RFC1: variants seen among roughly 807,000 people sequenced by gnomAD.
RFC1 encodes replication factor C subunit 1, also known as A1 140 kDa subunit.
RFC1 carries 37 observed loss-of-function variants against 137.4 expected under a neutral mutation model. The ratio of observed to expected loss-of-function variants is 0.27; its 90% CI spans 0.21 to 0.35. RFC1 has a LOEUF of 0.35. Ranked by LOEUF, RFC1 falls within the 10% of genes least tolerant of loss-of-function variation. The pLI is 1.00. For synonymous variants in RFC1, 429 were observed against 455.7 expected, an observed-to-expected ratio of 0.94 and a Z score of 0.75; for missense variants, 1,205 against 1,358.5, an observed-to-expected ratio of 0.89 and a Z score of 1.78.
At chr4:39,355,721 T>C (rs1488848379) in intron 1 of RFC1, among the ~76,000 whole-genome samples, 1 of 152,192 alleles carries the variant, frequency 6.6e-6, no homozygotes, top group Non-Finnish European at 1.5e-5. Flanking sequence ...GGTATAACCT[T>C]GGCTGGGCGC....
At chr4:39,359,612 G>A (rs187204485) in intron 1 of RFC1, among the ~76,000 whole-genome samples, 14 of 152,136 alleles carry the variant, frequency 9.2e-5, no homozygotes, top group African/African-American at 2.9e-4. Flanking sequence ...CATGAGGTCA[G>A]GAGATCGAGA....
intron 23 of RFC1, 150 bp downstream of exon 23, chr4:39,291,489 G>C: frequency 3.2e-6 from 2 of 631,584 alleles, no homozygotes; most frequent in African/African-American, 1.8e-5. Context: ...CATTCAAATA[G>C]TATCTTTGGA....
At chr4:39,330,497 A>G (rs1275895866) in intron 4 of RFC1, among the ~76,000 whole-genome samples, 1 of 152,044 alleles carries the variant, frequency 6.6e-6, no homozygotes. Flanking sequence ...GGGCCTCCAA[A>G]AACCACAGAT....
intron 1 of RFC1, among the ~76,000 whole-genome samples, chr4:39,364,560 CAA>C (rs1471411710): frequency 6.6e-6 from 1 of 152,152 alleles, no homozygotes; most frequent in Non-Finnish European, 1.5e-5. Context: ...CCTGAATGAT[CAA>C]AAGTTGACCA....
intron 10 of RFC1, among the ~76,000 whole-genome samples, chr4:39,313,500 T>A (rs1386020947): frequency 1.3e-5 from 2 of 152,150 alleles, no homozygotes; most frequent in East Asian, 3.8e-4. Flanking sequence ...AATTCCCCAA[T>A]CCCTGCCCGC....
At chr4:39,293,469 G>C (rs996826934) in intron 22 of RFC1, among the ~76,000 whole-genome samples, 3 of 152,120 alleles carry the variant, frequency 2.0e-5, no homozygotes, top group East Asian at 3.8e-4. Flanking sequence ...AAGCATCTAT[G>C]ACTCCCAAAA....
chr4:39,349,516 C>T (rs1226119573), intron 2 of RFC1, among the ~76,000 whole-genome samples: 1 of 152,120 alleles, frequency 6.6e-6, no homozygotes, highest in Non-Finnish European at 1.5e-5. Context: ...GTGAGGACAA[C>T]ACGAGAAGGC....
intron 2 of RFC1, among the ~76,000 whole-genome samples, chr4:39,349,945 G>A (rs980922559): frequency 3.3e-5 from 5 of 152,020 alleles, no homozygotes; most frequent in East Asian, 1.9e-4. Flanking sequence ...CAGAGGTTGC[G>A]GTGAGCCGAG....
chr4:39,336,996 T>A (rs1740386093), intron 4 of RFC1, among the ~76,000 whole-genome samples: 2 of 151,830 alleles, frequency 1.3e-5, no homozygotes, highest in African/African-American at 4.8e-5. Context: ...CATGAAAAAA[T>A]AAGTGTATGA....
chr4:39,344,587 C>T (rs1440322078), intron 3 of RFC1, among the ~76,000 whole-genome samples: 5 of 152,122 alleles, frequency 3.3e-5, no homozygotes, highest in Non-Finnish European at 4.4e-5. Context: ...CGTGGTGAAA[C>T]CCCATCTCTA....
rs1738457166 is a variant in RFC1 at position 39,303,157 on chromosome 4, C to G, written c.2111-6G>C. On this transcript the variant is annotated splice_polypyrimidine_tract_variant and splice_region_variant and intron_variant, in intron 15 of 24. Coordinates refer to ENST00000349703, the MANE Select transcript of RFC1 (RefSeq NM_002913.5). ...TACTGAAGAGGCTGCTCCATCTGAC[C>G]CAGGTTGAGGAGCAATGGGATGAGA... 1 of 1,605,616 alleles carries G rather than the reference C, an allele frequency of 6.2e-7. No individual in the cohort carries two copies. Among genetic ancestry groups the G allele is most frequent in the Non-Finnish European group, 8.5e-7 (1 of 1,172,538 alleles).
At chr4:39,298,458 T>C (rs1350117818) in intron 21 of RFC1, among the ~76,000 whole-genome samples, 1 of 152,162 alleles carries the variant, frequency 6.6e-6, no homozygotes, top group Non-Finnish European at 1.5e-5. Flanking sequence ...TAATCCTGTA[T>C]AACTATACAA....
chr4:39,313,057 G>T (rs1739049387), intron 10 of RFC1, 126 bp from the exon 11 acceptor site: 1 of 786,122 alleles, frequency 1.3e-6, no homozygotes, highest in Admixed American at 2.8e-5. Context: ...GGCATGGAAA[G>T]TTTGCTGGAA....
intron 4 of RFC1, among the ~76,000 whole-genome samples, chr4:39,339,082 CT>C (rs113005969): frequency 1.5e-4 from 23 of 149,048 alleles, no homozygotes; most frequent in South Asian, 2.1e-4. Context: ...ACAGAATCTC[CT>C]TTTTTTTTTA....
intron 2 of RFC1, among the ~76,000 whole-genome samples, chr4:39,348,433 A>AGGAAAGGAAAGGAAAGGAAAG (rs1491205556): frequency 1.2e-5 from 1 of 84,956 alleles, no homozygotes; most frequent in Non-Finnish European, 2.6e-5. Context: ...AAAAAAGAAA[A>AGGAAAGGAAAGGAAAGGAAAG]GAAAAGAAAA....
At chr4:39,330,566 T>C (rs886538018) in intron 4 of RFC1, among the ~76,000 whole-genome samples, 2 of 152,108 alleles carry the variant, frequency 1.3e-5, no homozygotes, top group Non-Finnish European at 2.9e-5. Flanking sequence ...GAGTGAGCAC[T>C]TCAGCAAGGT....
rs139977818 is a variant in RFC1, at chr4:39,359,436, A to G, written c.3+6803T>C. Among the ~76,000 whole-genome samples the G allele has an allele frequency of 9.9e-3, 1,510 of 152,336 alleles. 22 individuals carry two copies. The highest frequency in any genetic ancestry group is 0.032 in the African/African-American group (1,334 of 41,568). Reference sequence around the variant, plus strand: ...AGCAACCCAGATGGGACTGGAAACTATTATTCTAAGTGAAGTAACTCAGGA... The same window carrying G: ...AGCAACCCAGATGGGACTGGAAACTGTTATTCTAAGTGAAGTAACTCAGGA... On this transcript the variant is annotated intron_variant, in intron 1 of 24. Coordinates refer to ENST00000349703, the MANE Select transcript of RFC1 (RefSeq NM_002913.5).
At chr4:39,334,903 G>A (rs1740279786) in intron 4 of RFC1, among the ~76,000 whole-genome samples, 1 of 152,170 alleles carries the variant, frequency 6.6e-6, no homozygotes. Flanking sequence ...TTAACACTCT[G>A]TGTTAGATAC....
At chr4:39,327,496 C>CA in intron 5 of RFC1, 28 bp downstream of exon 5, 1 of 1,448,208 alleles carries the variant, frequency 6.9e-7, no homozygotes, top group African/African-American at 1.4e-5. Flanking sequence ...AAATCCTGAG[C>CA]ATACTTGCTT....
Sources: gnomAD v4.1 joint callset for allele counts (sites outside exome capture counted in the v4.1 genomes callset) on GRCh38, gnomAD v4.1.1 for gene constraint, MANE v1.5 for transcripts, NCBI Gene and HGNC (gene_info 2026-07-23, HGNC 2026-07-21) for gene names.